EML6: variants seen among roughly 807,000 people sequenced by gnomAD.
The protein encoded by EML6 is echinoderm microtubule-associated protein-like 6.
EML6 carries 154 observed loss-of-function variants against 240.1 expected under a neutral mutation model. The ratio of observed to expected loss-of-function variants is 0.64; its 90% confidence interval spans 0.56 to 0.73. The LOEUF (loss-of-function observed/expected upper bound fraction) is 0.73, where lower values mean the gene tolerates loss of function less well. Among genes scored for constraint, EML6 ranks in the 30% least tolerant of loss-of-function variants. The probability of loss-of-function intolerance (pLI) is 0.00; values close to 1 mark genes in which losing one functional copy is unlikely to be tolerated. For synonymous variants in EML6, 1,148 were observed against 899.0 expected (o/e 1.28, Z -4.95); for missense variants, 2,964 against 2,474.6 (o/e 1.20, Z -4.20).
In EML6 at chr2:54,815,894, C is replaced by T. The variant is rs550001766; in HGVS notation, c.358-893C>T. Among the ~76,000 whole-genome samples the T allele has an allele frequency of 2.1e-4, 32 of 152,242 alleles. No homozygotes were observed. In the South Asian group the frequency reaches 6.6e-3, roughly 32 times the overall value. On this transcript the variant is annotated intron_variant, in intron 3 of 41. Transcript: ENST00000356458. Reference sequence around the variant, plus strand: ...ACACACTCTTACACTTGGGGAATACCATATTTTTAAAACCCCTTTAATTTA... The same window carrying T: ...ACACACTCTTACACTTGGGGAATACTATATTTTTAAAACCCCTTTAATTTA...
At chr2:54,787,246 C>G (rs985649801) in intron 2 of EML6, among the ~76,000 whole-genome samples, 4 of 152,068 alleles carry the variant, frequency 2.6e-5, no homozygotes, top group African/African-American at 9.7e-5. Context: ...ATAGAAATAC[C>G]TGACAAGGCT....
In EML6 at chr2:54,844,141, C is replaced by G; in HGVS notation, c.942C>G (p.Asp314Glu). ...TTGAAGTGATTGTGCGAGAGCGAGA[C>G]AAGCCGATGTTGATCCTACAGGGCC... ...EIFEVIVRER[D>E]KPMLILQGHC... Residue 314 changes from aspartate to glutamate, a missense_variant, in exon 8 of 42, where the codon GAC becomes GAG. By Grantham distance (45) the Asp-to-Glu change is conservative. Coordinates refer to ENST00000356458, the MANE Select transcript of EML6 (RefSeq NM_001039753.4). The G allele has an allele frequency of 1.9e-6, 3 of 1,551,274 alleles. No homozygotes were observed. The highest frequency in any genetic ancestry group is 2.6e-6 in the Non-Finnish European group (3 of 1,146,956).
intron 28 of EML6, among the ~76,000 whole-genome samples, chr2:54,944,949 G>A (rs990177157): frequency 6.6e-6 from 1 of 150,510 alleles, no homozygotes; most frequent in African/African-American, 2.4e-5. Context: ...CTAGAGCAGT[G>A]GTTGCTAATT....
In EML6 at chr2:54,774,809, T is replaced by G. The variant is rs1668529772; in HGVS notation, c.198-38423T>G. On this transcript the variant is annotated intron_variant, in intron 2 of 41. Transcript: ENST00000356458. This position sits in a 1 kb window ranked among gnomAD's most constrained non-coding sequence, Gnocchi z 4.1. ...TCTTTATCTTCTACTCTGTGTGGAT[T>G]GGTCTTTAGTCAATGCTTCTCCTAA... Among the ~76,000 whole-genome samples, 3 of 152,364 alleles carry G rather than the reference T, an allele frequency of 2.0e-5. No homozygotes were observed. The highest frequency in any genetic ancestry group is 2.9e-5 in the Non-Finnish European group (2 of 68,034).
At chr2:54,847,751 A>T (rs1669846276) in intron 9 of EML6, 128 bp downstream of exon 9, 5 of 902,598 alleles carry the variant, frequency 5.5e-6, no homozygotes, top group Non-Finnish European at 7.9e-6. Context: ...AATACTATAG[A>T]TCTACGATCC....
Position 54,928,500 on chromosome 2 carries a change from TG to T in EML6, c.3865del (p.Glu1289LysfsTer25). The T allele has an allele frequency of 6.5e-7, 1 of 1,545,214 alleles. No homozygotes were observed. The highest frequency in any genetic ancestry group is 8.7e-7 in the Non-Finnish European group (1 of 1,142,904). ...GACAGCGAGGAGTCAGACACCGACG[TG>T]GAAGAGGATGGAGGTGAGCCCCCCA... ...LVDSEESDTD[V>X]EEDGGYDSDV... On this transcript the variant is annotated frameshift_variant, in exon 27 of 42. Coordinates refer to ENST00000356458, the MANE Select transcript of EML6 (RefSeq NM_001039753.4). LOFTEE classifies it high-confidence loss of function.
chr2:54,954,893 G>A (rs1676160249), intron 32 of EML6, among the ~76,000 whole-genome samples: 1 of 152,160 alleles, frequency 6.6e-6, no homozygotes, highest in Admixed American at 6.5e-5. Flanking sequence ...TCTGGGACAC[G>A]CTCTACCAGG....
intron 20 of EML6, 95 bp downstream of exon 20, chr2:54,895,121 T>C (rs1233700029): frequency 8.4e-6 from 11 of 1,306,822 alleles, no homozygotes; most frequent in Non-Finnish European, 1.2e-5. Flanking sequence ...AAATCAATTT[T>C]CTCCCTCTTC....
intron 24 of EML6, among the ~76,000 whole-genome samples, chr2:54,909,260 A>G (rs943301929): frequency 6.6e-6 from 1 of 152,206 alleles, no homozygotes; most frequent in African/African-American, 2.4e-5. Flanking sequence ...TACTTTACAG[A>G]TGTATTTAGT....
chr2:54,961,186 T>TGTTTTTTTTTTTTTTTTTTTTTTTTTTG (rs796179489), intron 35 of EML6, among the ~76,000 whole-genome samples: 1 of 93,166 alleles, frequency 1.1e-5, no homozygotes, highest in African/African-American at 4.5e-5. Context: ...AGGAAGTAGT[T>TGTTTTTTTTTTTTTTTTTTTTTTTTTTG]TTTTTTTTTT....
chr2:54,820,581 C>T (rs1036565136), intron 5 of EML6, 119 bp downstream of exon 5: 3 of 586,150 alleles, frequency 5.1e-6, no homozygotes, highest in Non-Finnish European at 8.8e-6. Flanking sequence ...CAATATAGAG[C>T]CCTCTTACCT....
chr2:54,953,617 C>T (rs1382740781), intron 31 of EML6, among the ~76,000 whole-genome samples: 2 of 152,022 alleles, frequency 1.3e-5, no homozygotes, highest in Admixed American at 6.5e-5. Flanking sequence ...GCAGGCCGGG[C>T]GGCAGTGGCT....
At chr2:54,731,035 A>C (rs1331570963) in intron 2 of EML6, among the ~76,000 whole-genome samples, 1 of 152,234 alleles carries the variant, frequency 6.6e-6, no homozygotes, top group African/African-American at 2.4e-5. Flanking sequence ...ACCTTAGGCA[A>C]GATTTCCAGA....
rs1340389452 is a variant in EML6, at chr2:54,928,626, C to G, written c.3879C>G (p.Gly1293=). The change falls in exon 28 of 42, where the codon GGC becomes GGG. Residue 1293 remains glycine, a splice_region_variant and synonymous_variant. Coordinates refer to ENST00000356458, the MANE Select transcript of EML6 (RefSeq NM_001039753.4). ...ESDTDVEEDG[G]YDSDVAREKA... The stretch of plus-strand genomic sequence containing the variant: ...CCCAATCTCTTTCTGTTGTTTGAGG[C>G]TATGACAGCGATGTTGCTAGAGAAA... The G allele has an allele frequency of 2.6e-6, 4 of 1,552,180 alleles. No homozygotes were observed. The highest frequency in any genetic ancestry group is 1.4e-5 in the African/African-American group (1 of 73,162).
chr2:54,872,813 G>A (rs572458092), intron 16 of EML6, among the ~76,000 whole-genome samples: 3 of 152,308 alleles, frequency 2.0e-5, no homozygotes, highest in South Asian at 4.1e-4. Context: ...GGTCAAGCTG[G>A]AAGTTTTCTC....
intron 2 of EML6, among the ~76,000 whole-genome samples, chr2:54,739,997 A>G (rs1683561513): frequency 6.6e-6 from 1 of 152,192 alleles, no homozygotes; most frequent in African/African-American, 2.4e-5. Flanking sequence ...CGTAGTGGTC[A>G]AGTTTCTGAC....
At chr2:54,951,645 A>G (rs910192443) in intron 30 of EML6, among the ~76,000 whole-genome samples, 2 of 152,084 alleles carry the variant, frequency 1.3e-5, no homozygotes, top group Non-Finnish European at 2.9e-5. Context: ...AGAAAACTAT[A>G]TCATTACCAC....
chr2:54,923,525 C>T (rs1303330518), intron 26 of EML6, among the ~76,000 whole-genome samples: 1 of 152,014 alleles, frequency 6.6e-6, no homozygotes, highest in Non-Finnish European at 1.5e-5. Context: ...GTTAATTATA[C>T]CTCAGTAAAG....
At chr2:54,894,399 C>G (rs950466257) in intron 19 of EML6, among the ~76,000 whole-genome samples, 1 of 152,082 alleles carries the variant, frequency 6.6e-6, no homozygotes, top group Non-Finnish European at 1.5e-5. Context: ...GAAATTGTGT[C>G]TATTGAATGA....
Sources: gnomAD v4.1 joint callset for allele counts (sites outside exome capture counted in the v4.1 genomes callset) on GRCh38, gnomAD v4.1.1 for gene constraint, Gnocchi (gnomAD v3.1) non-coding constraint, MANE v1.5 for transcripts, NCBI Gene and HGNC (gene_info 2026-07-23, HGNC 2026-07-21) for gene names.